The following PTPRT variants were observed in gnomAD, a reference collection of about 807,000 sequenced individuals.
PTPRT encodes receptor-type tyrosine-protein phosphatase T.
Under a neutral mutation model 176.8 loss-of-function variants are expected in PTPRT, and 56 were observed. The ratio of observed to expected loss-of-function variants is 0.32; its 90% confidence interval spans 0.26 to 0.40. The LOEUF is 0.40. PTPRT is among the 10% of genes least tolerant of loss of function. The pLI, the probability that PTPRT is intolerant of heterozygous loss-of-function variation, is 1.00. For synonymous variants in PTPRT, 783 were observed against 739.0 expected (o/e 1.06, Z -0.96); for missense variants, 1,540 against 1,908.2 (o/e 0.81, Z 3.60).
At chr20:42,771,273 T>C (rs1308261626) in intron 5 of PTPRT, among the ~76,000 whole-genome samples, 162 bp downstream of exon 5, 1 of 152,174 alleles carries the variant, frequency 6.6e-6, no homozygotes, top group African/African-American at 2.4e-5. Context: ...GACCTATAAT[T>C]ACCCCAGTTT....
rs539956014 is a variant in PTPRT at position 42,576,744 on chromosome 20, T to G, written c.1153+101122A>C. Among the ~76,000 whole-genome samples, 10 of 152,346 alleles carry G rather than the reference T, an allele frequency of 6.6e-5. No individual in the cohort carries two copies. The South Asian group carries it at 2.1e-3, about 32-fold the overall frequency. Reference sequence around the variant, plus strand: ...AAGGAACTAATACGTTTACACATTTTCCTGGGTAAAAGCATAAGTAAATTC... The same window carrying G: ...AAGGAACTAATACGTTTACACATTTGCCTGGGTAAAAGCATAAGTAAATTC... On this transcript the variant is annotated intron_variant, in intron 7 of 30. Transcript: ENST00000373187.
chr20:43,154,023 G>A (rs770472769), intron 1 of PTPRT, among the ~76,000 whole-genome samples: 2 of 152,164 alleles, frequency 1.3e-5, no homozygotes, highest in Non-Finnish European at 2.9e-5. Flanking sequence ...ATATCTTCAC[G>A]TCTTGGGGAA....
intron 9 of PTPRT, among the ~76,000 whole-genome samples, chr20:42,401,389 G>GTT (rs1279633760): frequency 1.3e-5 from 2 of 152,028 alleles, no homozygotes; most frequent in Non-Finnish European, 2.9e-5. Context: ...TGGAAAAAGT[G>GTT]TTAATAATGA....
chr20:42,970,607 T>C (rs952023337), intron 1 of PTPRT, among the ~76,000 whole-genome samples: 2 of 152,150 alleles, frequency 1.3e-5, no homozygotes, highest in Non-Finnish European at 2.9e-5. Context: ...TAAATGAGAT[T>C]GTATTTAAAG....
At chr20:42,948,907 C>T (rs1387119164) in intron 1 of PTPRT, among the ~76,000 whole-genome samples, 3 of 152,160 alleles carry the variant, frequency 2.0e-5, no homozygotes, top group African/African-American at 7.2e-5. Context: ...TTTTTATGAC[C>T]TCTGCCAAAT....
intron 27 of PTPRT, among the ~76,000 whole-genome samples, chr20:42,091,388 G>T (rs1984603831): frequency 6.6e-6 from 1 of 152,168 alleles, no homozygotes. Context: ...CCGATGAGTT[G>T]AATGAAAACT....
intron 1 of PTPRT, among the ~76,000 whole-genome samples, chr20:43,120,365 G>A (rs970975350): frequency 2.0e-5 from 3 of 151,612 alleles, no homozygotes; most frequent in Admixed American, 6.6e-5. Flanking sequence ...TCCGCCTCCC[G>A]GGTTCACCCC....
downstream of PTPRT, among the ~76,000 whole-genome samples, chr20:42,071,816 C>T (rs1982350652): frequency 6.6e-6 from 1 of 152,150 alleles, no homozygotes; most frequent in Non-Finnish European, 1.5e-5. Context: ...GCCACCATGC[C>T]TGGCTAATTT....
chr20:42,634,004 T>A (rs1192551564), intron 7 of PTPRT, among the ~76,000 whole-genome samples: 8 of 23,524 alleles, frequency 3.4e-4, no homozygotes, highest in Non-Finnish European at 4.4e-4. Context: ...ATATATTATA[T>A]ATATATAATA....
intron 24 of PTPRT, 46 bp from the exon 25 acceptor site, chr20:42,104,764 G>C: frequency 6.6e-7 from 1 of 1,514,106 alleles, no homozygotes; most frequent in Non-Finnish European, 9.2e-7. Context: ...TAAGAACAGT[G>C]GCCTGGGAAT....
intron 9 of PTPRT, among the ~76,000 whole-genome samples, chr20:42,385,847 C>T (rs1262833825): frequency 6.6e-6 from 1 of 152,076 alleles, no homozygotes; most frequent in Non-Finnish European, 1.5e-5. Flanking sequence ...CCCCACCTGC[C>T]CCCCTCCATG....
intron 26 of PTPRT, 51 bp downstream of exon 26, chr20:42,102,073 A>G (rs1401514254): frequency 6.3e-7 from 1 of 1,587,836 alleles, no homozygotes; most frequent in Admixed American, 1.7e-5. Flanking sequence ...CTCAGGAAGA[A>G]TATTTGCCCT....
chr20:42,448,448 G>A (rs966158444), intron 8 of PTPRT, 119 bp from the exon 9 acceptor site: 1 of 727,092 alleles, frequency 1.4e-6, no homozygotes, highest in African/African-American at 1.7e-5. Flanking sequence ...AATATTTTAG[G>A]TCTGATGGGC....
At chr20:42,989,677 C>T (rs1488585360) in intron 1 of PTPRT, among the ~76,000 whole-genome samples, 1 of 152,200 alleles carries the variant, frequency 6.6e-6, no homozygotes, top group Admixed American at 6.5e-5. Flanking sequence ...ATTCCATTTC[C>T]CCAGCCACTC....
chr20:42,099,865 A>G (rs73129195), intron 26 of PTPRT, among the ~76,000 whole-genome samples: 5,524 of 152,206 alleles, frequency 0.036, 173 homozygotes, highest in Middle Eastern at 0.068. Flanking sequence ...TAGAATGTTC[A>G]GAAGAGGGGT....
At chr20:42,844,380 G>A (rs907862756) in intron 2 of PTPRT, among the ~76,000 whole-genome samples, 1 of 152,164 alleles carries the variant, frequency 6.6e-6, no homozygotes, top group African/African-American at 2.4e-5. Context: ...TGAGCCTGAT[G>A]CCAAAGCTCC....
At chr20:42,459,436 T>C (rs2070979883) in intron 8 of PTPRT, among the ~76,000 whole-genome samples, 1 of 152,170 alleles carries the variant, frequency 6.6e-6, no homozygotes. Flanking sequence ...GGTGCTGTGT[T>C]GAGAAAAGAA....
At chr20:42,624,005 C>CAAAAAAAAAAAAAAAAAAAAAAAAA (rs1159094345) in intron 7 of PTPRT, among the ~76,000 whole-genome samples, 11 of 135,728 alleles carry the variant, frequency 8.1e-5, no homozygotes, top group African/African-American at 2.2e-4. Flanking sequence ...AAAACAATAG[C>CAAAAAAAAAAAAAAAAAAAAAAAAA]AACAAACAAA....
intron 9 of PTPRT, among the ~76,000 whole-genome samples, chr20:42,365,741 A>G (rs6072701): frequency 0.55 from 83,307 of 152,060 alleles, 23,060 homozygotes; most frequent in Non-Finnish European, 0.57. Flanking sequence ...ATTCAAAGCC[A>G]TTTTGGGTCG....
Sources: allele counts gnomAD v4.1 joint callset (sites outside exome capture counted in the v4.1 genomes callset), GRCh38; gene constraint gnomAD v4.1.1; transcripts MANE v1.5; gene names NCBI Gene and HGNC (gene_info 2026-07-23, HGNC 2026-07-21).